Variants in FNBP1 observed in about 807,000 individuals in gnomAD.
FNBP1 encodes the protein formin-binding protein 1.
In FNBP1, 26 loss-of-function variants were observed where a neutral mutation model predicts 90.6. That is an observed-to-expected ratio of 0.29 (90% confidence interval 0.21 to 0.40). The LOEUF (loss-of-function observed/expected upper bound fraction) is 0.40, where lower values mean the gene tolerates loss of function less well. Ranked by LOEUF, FNBP1 falls within the 10% of genes least tolerant of loss-of-function variation. The probability of loss-of-function intolerance (pLI) is 1.00; values close to 1 mark genes in which losing one functional copy is unlikely to be tolerated. For synonymous variants in FNBP1, 260 were observed against 265.2 expected (o/e 0.98, Z 0.19); for missense variants, 635 against 768.0 (o/e 0.83, Z 2.05).
At chr9:130,001,014 T>G (rs2054749513) in intron 1 of FNBP1, among the ~76,000 whole-genome samples, 1 of 152,184 alleles carries the variant, frequency 6.6e-6, no homozygotes, top group South Asian at 2.1e-4. Context: ...AAGAACATTT[T>G]CAAGTAAAAC....
the FNBP1 span, among the ~76,000 whole-genome samples, chr9:130,050,923 CAG>C: frequency 7.0e-6 from 1 of 142,654 alleles, no homozygotes; most frequent in Admixed American, 7.3e-5. Context: ...TTTTTTGAGA[CAG>C]AATCTCGCTC....
chr9:129,935,172 G>C (rs1316122932), intron 6 of FNBP1, among the ~76,000 whole-genome samples: 2 of 145,052 alleles, frequency 1.4e-5, no homozygotes, highest in Non-Finnish European at 3.0e-5. Context: ...TACCCAGACT[G>C]GAGTGCAGTG....
chr9:129,909,447 G>GTT (rs2038809854), intron 11 of FNBP1, among the ~76,000 whole-genome samples: 1 of 151,934 alleles, frequency 6.6e-6, no homozygotes, highest in Admixed American at 6.6e-5. Context: ...TTTCCCTAGC[G>GTT]TGAGTATTCC....
intron 11 of FNBP1, among the ~76,000 whole-genome samples, chr9:129,912,020 A>G (rs996886703): frequency 2.6e-5 from 4 of 151,932 alleles, no homozygotes; most frequent in African/African-American, 4.8e-5. Flanking sequence ...AATTGAACCC[A>G]AAGAGAGGGT....
chr9:129,993,158 C>T (rs1394791115), intron 2 of FNBP1, among the ~76,000 whole-genome samples: 15 of 144,138 alleles, frequency 1.0e-4, no homozygotes, highest in Non-Finnish European at 1.5e-4. Context: ...ACCTGGGAGG[C>T]GGAGATTGCA....
upstream of FNBP1, among the ~76,000 whole-genome samples, chr9:130,044,543 C>T (rs1301156615): frequency 1.3e-5 from 2 of 152,068 alleles, no homozygotes; most frequent in African/African-American, 4.8e-5. Context: ...ACAGGAGGAT[C>T]GCTTGAGCCT....
rs71499203 is a variant in FNBP1, at chr9:129,914,755, G to GTGTGTA, written c.1185+1210_1185+1211insTACACA. On this transcript the variant is annotated intron_variant, in intron 11 of 16. Transcript: ENST00000446176. ...AAAAATTATGTATATACATACATAT[G>GTGTGTA]TCTATATATATATATATATATATAT... Among the ~76,000 whole-genome samples, 263 of 98,412 alleles carry GTGTGTA rather than the reference G, an allele frequency of 2.7e-3. 4 individuals carry two copies. The highest frequency in any genetic ancestry group is 6.0e-3 in the Middle Eastern group (1 of 168). The allele number at this position is 98,412 out of a possible 152,430, so 64.6% of individuals were successfully genotyped here. A position where few individuals can be genotyped will look rare whatever the true frequency, so the allele number is the denominator to read the frequency against.
rs544636539 is a variant in FNBP1, at chr9:129,895,896, A to G, written c.1788T>C (p.Asp596=). 3 of 1,613,588 alleles carry G rather than the reference A, an allele frequency of 1.9e-6. No homozygotes were observed. Among genetic ancestry groups the G allele is most frequent in the African/African-American group, 2.7e-5 (2 of 74,850 alleles). The change falls in exon 16 of 17, where the codon GAT becomes GAC. Residue 596 remains aspartate, a synonymous_variant. Coordinates refer to ENST00000446176, the MANE Select transcript of FNBP1 (RefSeq NM_015033.3). ...DGWTRIRRNE[D]EEGYVPTSYV... is the part of the protein sequence containing the mutation. ...ATGAAGTGGGGACATAACCCTCTTCATCTTCATTTCTCCGAATGCGGGTCC... is the reference window on the plus strand; with the variant it reads ...ATGAAGTGGGGACATAACCCTCTTCGTCTTCATTTCTCCGAATGCGGGTCC...
intron 16 of FNBP1, chr9:129,895,419 G>T: frequency 9.1e-7 from 1 of 1,100,416 alleles, no homozygotes; most frequent in Non-Finnish European, 1.1e-6. Flanking sequence ...GTAGCTCAGT[G>T]TATGGTGGAT....
intron 1 of FNBP1, among the ~76,000 whole-genome samples, chr9:130,037,290 G>T (rs540982864): frequency 7.6e-4 from 114 of 150,848 alleles, no homozygotes; most frequent in Non-Finnish European, 1.3e-3. Context: ...GGAGGCAGAA[G>T]TTGCAGTGAG....
intron 2 of FNBP1, among the ~76,000 whole-genome samples, chr9:129,984,125 G>C (rs964272430): frequency 1.3e-5 from 2 of 151,974 alleles, no homozygotes; most frequent in Admixed American, 6.6e-5. Flanking sequence ...AGAATGTTTT[G>C]TGTTTTTTTC....
At chr9:130,021,317 A>G (rs2057804174) in intron 1 of FNBP1, among the ~76,000 whole-genome samples, 1 of 152,232 alleles carries the variant, frequency 6.6e-6, no homozygotes, top group African/African-American at 2.4e-5. Flanking sequence ...CCATCTAACT[A>G]TAGTGGTTTA....
Position 129,890,662 on chromosome 9 carries a change from TGGGAGGGGA to T in FNBP1, c.1847-125_1847-117del. The T allele has an allele frequency of 2.8e-6, 1 of 362,636 alleles. No homozygotes were observed. The highest frequency in any genetic ancestry group is 5.8e-6 in the Non-Finnish European group (1 of 171,540). The allele number at this position is 362,636 out of a possible 1,614,324, so 22.5% of individuals were successfully genotyped here. On this transcript the variant is annotated intron_variant, in intron 16 of 16. Transcript: ENST00000446176. This position sits in a 1 kb window ranked among gnomAD's most constrained non-coding sequence, Gnocchi z 5.8. ...GCACCGCCCTGGGAGGGGAGGGTAG[TGGGAGGGGA>T]GGGATGGGAGGGGGCGTCTTAGAGC...
In FNBP1 at chr9:129,888,347, A is replaced by C. The variant is rs1031738738; in HGVS notation, c.*2192T>G. ...GTGGTCCACTTGACTTGGTGAGGTC[A>C]GAAGTTCCTGAAGATCCCTGTCGTC... is the stretch of plus-strand genomic sequence containing the variant. On this transcript the variant is annotated 3_prime_UTR_variant, in exon 17 of 17. Transcript: ENST00000446176. 4.3e-6 allele frequency: 1 copy of C among 232,612 alleles called. No individual in the cohort carries two copies. Among genetic ancestry groups the C allele is most frequent in the African/African-American group, 2.2e-5 (1 of 45,326 alleles). 14.4% of individuals were successfully genotyped at this position (232,612 alleles called of 1,614,324 possible).
In FNBP1 at chr9:130,001,603, T is replaced by G. The variant is rs565712904; in HGVS notation, c.25-6645A>C. On this transcript the variant is annotated intron_variant, in intron 1 of 16. Coordinates refer to ENST00000446176, the MANE Select transcript of FNBP1 (RefSeq NM_015033.3). Reference sequence around the variant, plus strand: ...ATATGCTAAAATTTCTATTTCAGGTTGGGTGTGGTGGCTCAGGCCTGTAAT... The same window carrying G: ...ATATGCTAAAATTTCTATTTCAGGTGGGGTGTGGTGGCTCAGGCCTGTAAT... Among the ~76,000 whole-genome samples the G allele has an allele frequency of 1.1e-4, 17 of 152,190 alleles. No homozygotes were observed. In the South Asian group the frequency reaches 3.5e-3, roughly 32 times the overall value.
At chr9:130,020,376 AT>A (rs2057703180) in intron 1 of FNBP1, among the ~76,000 whole-genome samples, 5 of 151,944 alleles carry the variant, frequency 3.3e-5, no homozygotes, top group Admixed American at 2.6e-4. Flanking sequence ...CGCCCGGCTA[AT>A]TTTTGTATTT....
chr9:129,991,090 C>T lies in FNBP1; in HGVS notation c.140+3753G>A, dbSNP rs370863570. Among the ~76,000 whole-genome samples, 8 of 151,684 alleles carry T rather than the reference C, an allele frequency of 5.3e-5. No individual in the cohort carries two copies. In the East Asian group the frequency reaches 9.7e-4, roughly 18 times the overall value. ...GTAGGATTACAGGCGCCCACCACCA[C>T]GCCTGGCTAATGTTTTTGTATTTTT... On this transcript the variant is annotated intron_variant, in intron 2 of 16. Transcript: ENST00000446176.
At position 129,958,560 on chromosome 9, in the gene FNBP1, A is replaced by AG. The variant is rs748741356; in HGVS notation, c.346-8dup. 6 of 1,590,540 alleles carry AG rather than the reference A, an allele frequency of 3.8e-6. No homozygotes were observed. Among genetic ancestry groups the AG allele is most frequent in the Non-Finnish European group, 5.1e-6 (6 of 1,167,248 alleles). On this transcript the variant is annotated splice_region_variant and splice_polypyrimidine_tract_variant and intron_variant, in intron 4 of 16. Transcript: ENST00000446176. ...TACGGCCATCGTGAAAGTTCTGCAA[A>AG]GGGGAAAACACACTGGTGATTAGTA... is the stretch of plus-strand genomic sequence containing the variant.
At chr9:129,906,927 A>T (rs2038177832) in intron 12 of FNBP1, among the ~76,000 whole-genome samples, 1 of 151,922 alleles carries the variant, frequency 6.6e-6, no homozygotes, top group South Asian at 2.1e-4. Context: ...TTACAGGCAC[A>T]CACCACCACT....
Sources: gnomAD v4.1 joint callset for allele counts (sites outside exome capture counted in the v4.1 genomes callset) on GRCh38, gnomAD v4.1.1 for gene constraint, Gnocchi (gnomAD v3.1) non-coding constraint, MANE v1.5 for transcripts, NCBI Gene and HGNC (gene_info 2026-07-23, HGNC 2026-07-21) for gene names.